The following ANK3 variants were observed in gnomAD, a reference collection of about 807,000 sequenced individuals.
ANK3 encodes ankyrin-3.
In ANK3, 57 loss-of-function variants were observed where a neutral mutation model predicts 370.9. The ratio of observed to expected loss-of-function variants is 0.15; its 90% confidence interval spans 0.12 to 0.19. The LOEUF (loss-of-function observed/expected upper bound fraction) is 0.19, where lower values mean the gene tolerates loss of function less well. Ranked by LOEUF, ANK3 falls within the 10% of genes least tolerant of loss-of-function variation. The pLI, the probability that ANK3 is intolerant of heterozygous loss-of-function variation, is 1.00. For synonymous variants in ANK3, 1,929 were observed against 1,946.3 expected (o/e 0.99, Z 0.23); for missense variants, 4,439 against 5,302.1 (o/e 0.84, Z 5.06).
At chr10:60,272,634 C>A (rs2098015214) in intron 4 of ANK3, among the ~76,000 whole-genome samples, 1 of 152,114 alleles carries the variant, frequency 6.6e-6, no homozygotes, top group Non-Finnish European at 1.5e-5. Flanking sequence ...CATGTGCCAC[C>A]TCGCCCGGCT....
At chr10:60,629,256 G>A (rs1325897150) in intron 1 of ANK3, among the ~76,000 whole-genome samples, 1 of 152,046 alleles carries the variant, frequency 6.6e-6, no homozygotes, top group Non-Finnish European at 1.5e-5. Flanking sequence ...AAACATTTAA[G>A]GCAATTTAAA....
intron 2 of ANK3, among the ~76,000 whole-genome samples, chr10:60,426,828 C>T (rs779942254): frequency 1.2e-4 from 19 of 152,050 alleles, no homozygotes; most frequent in South Asian, 2.1e-4. Flanking sequence ...CAATATGTAA[C>T]GAACAGCTAA....
chr10:60,636,871 T>C (rs2078562164), intron 1 of ANK3, among the ~76,000 whole-genome samples: 1 of 152,220 alleles, frequency 6.6e-6, no homozygotes, highest in African/African-American at 2.4e-5. Context: ...ACAAAGCCAA[T>C]GGTAAGCAGT....
chr10:60,368,474 A>T (rs943006611), intron 1 of ANK3, among the ~76,000 whole-genome samples: 9 of 152,036 alleles, frequency 5.9e-5, no homozygotes, highest in South Asian at 2.1e-4. Context: ...TTTATTCATG[A>T]TGTTTATTGA....
intron 18 of ANK3, among the ~76,000 whole-genome samples, chr10:60,180,471 C>T (rs1265222196): frequency 6.7e-6 from 1 of 150,026 alleles, no homozygotes; most frequent in East Asian, 2.0e-4. Context: ...TGGCACATGC[C>T]TGTAGTCCCA....
chr10:60,475,787 T>C (rs1446380622), intron 2 of ANK3, among the ~76,000 whole-genome samples: 1 of 152,190 alleles, frequency 6.6e-6, no homozygotes, highest in Non-Finnish European at 1.5e-5. Flanking sequence ...CCCACCAGCC[T>C]GTCTGGACAC....
intron 1 of ANK3, among the ~76,000 whole-genome samples, chr10:60,313,550 C>T (rs911627106): frequency 2.0e-5 from 3 of 152,126 alleles, no homozygotes; most frequent in Admixed American, 6.5e-5. Context: ...TCATTTCCTC[C>T]TTAACTTCAG....
intron 1 of ANK3, among the ~76,000 whole-genome samples, chr10:60,332,752 T>G (rs2051690026): frequency 6.6e-6 from 1 of 152,214 alleles, no homozygotes; most frequent in Non-Finnish European, 1.5e-5. Context: ...CATCAGTATA[T>G]TTTGATGGCT....
At chr10:60,067,684 A>C (rs1374842238) in intron 38 of ANK3, among the ~76,000 whole-genome samples, 1 of 152,220 alleles carries the variant, frequency 6.6e-6, no homozygotes, top group Non-Finnish European at 1.5e-5. Context: ...TGTGAAGAAA[A>C]TGCTTAAATT....
intron 1 of ANK3, among the ~76,000 whole-genome samples, chr10:60,707,782 G>T (rs2133425641): frequency 6.6e-6 from 1 of 152,032 alleles, no homozygotes. Context: ...CTTCATTCCA[G>T]AAGTTTTATT....
At chr10:60,600,894 C>T (rs991531457) in intron 2 of ANK3, among the ~76,000 whole-genome samples, 1 of 151,754 alleles carries the variant, frequency 6.6e-6, no homozygotes, top group African/African-American at 2.4e-5. Flanking sequence ...AATAAGGTAG[C>T]TCATTGTTTA....
intron 2 of ANK3, among the ~76,000 whole-genome samples, chr10:60,541,090 G>A (rs562754711): frequency 6.6e-6 from 1 of 151,904 alleles, no homozygotes; most frequent in South Asian, 2.1e-4. Flanking sequence ...ATGCAACCAT[G>A]AGCAAAACAC....
chr10:60,273,114 G>C (rs1481945168), intron 4 of ANK3, among the ~76,000 whole-genome samples: 1 of 152,148 alleles, frequency 6.6e-6, no homozygotes, highest in Non-Finnish European at 1.5e-5. Flanking sequence ...TACATGCCCT[G>C]TTTTATGATG....
intron 1 of ANK3, among the ~76,000 whole-genome samples, chr10:60,663,970 C>T (rs902664042): frequency 2.0e-5 from 3 of 152,152 alleles, no homozygotes; most frequent in South Asian, 4.1e-4. Context: ...TCTTATCTGC[C>T]GAATCATGTA....
intron 2 of ANK3, among the ~76,000 whole-genome samples, chr10:60,554,090 G>C (rs934366587): frequency 3.3e-5 from 5 of 152,114 alleles, no homozygotes; most frequent in Non-Finnish European, 7.4e-5. Context: ...TTTGGCTTTT[G>C]ATTTATATGA....
At chr10:60,257,183 C>T (rs1477491723) in intron 7 of ANK3, among the ~76,000 whole-genome samples, 1 of 152,196 alleles carries the variant, frequency 6.6e-6, no homozygotes, top group Non-Finnish European at 1.5e-5. Context: ...TTTATCCAAA[C>T]ATTAAAATAT....
chr10:60,647,476 C>T (rs1358864639), intron 1 of ANK3, among the ~76,000 whole-genome samples: 1 of 151,956 alleles, frequency 6.6e-6, no homozygotes, highest in Non-Finnish European at 1.5e-5. Context: ...ACTTAATTGA[C>T]GATTTACTGG....
At chr10:60,372,421 C>A (rs964425360) in intron 1 of ANK3, among the ~76,000 whole-genome samples, 1 of 143,426 alleles carries the variant, frequency 7.0e-6, no homozygotes, top group African/African-American at 2.6e-5. Flanking sequence ...TGAAGACCAG[C>A]TAAAGAAACA....
intron 1 of ANK3, among the ~76,000 whole-genome samples, chr10:60,616,917 G>A (rs967068326): frequency 6.6e-6 from 1 of 151,854 alleles, no homozygotes; most frequent in African/African-American, 2.4e-5. Flanking sequence ...CTTTTTATTC[G>A]AGTTATTTTT....
Sources: gnomAD v4.1 joint callset for allele counts (sites outside exome capture counted in the v4.1 genomes callset) on GRCh38, gnomAD v4.1.1 for gene constraint, MANE v1.5 for transcripts, NCBI Gene and HGNC (gene_info 2026-07-23, HGNC 2026-07-21) for gene names.